SNX29: variants seen among roughly 807,000 people sequenced by gnomAD.
The protein encoded by SNX29 is sorting nexin 29.
In SNX29, 78 loss-of-function variants were observed where a neutral mutation model predicts 102.1. The observed-to-expected ratio is 0.76, with a 90% CI of 0.64 to 0.92. The LOEUF (loss-of-function observed/expected upper bound fraction) is 0.92, where lower values mean the gene tolerates loss of function less well. Among genes scored for constraint, SNX29 ranks in the 40% least tolerant of loss-of-function variants. The pLI, the probability that SNX29 is intolerant of heterozygous loss-of-function variation, is 0.00. For synonymous variants in SNX29, 580 were observed against 414.5 expected (o/e 1.40, Z -4.85); for missense variants, 1,280 against 1,061.7 (o/e 1.21, Z -2.86).
intron 13 of SNX29, among the ~76,000 whole-genome samples, chr16:12,158,415 G>T (rs1225867533): frequency 6.6e-6 from 1 of 152,102 alleles, no homozygotes; most frequent in Non-Finnish European, 1.5e-5. Flanking sequence ...GGCCAGGCTG[G>T]TCTCGAACTC....
At chr16:12,522,601 T>G (rs1358537350) in intron 19 of SNX29, among the ~76,000 whole-genome samples, 3 of 152,118 alleles carry the variant, frequency 2.0e-5, no homozygotes, top group South Asian at 4.1e-4. Context: ...TCATGAGATC[T>G]GGTTGTTTAA....
intron 5 of SNX29, among the ~76,000 whole-genome samples, chr16:12,043,284 A>C (rs889989521): frequency 6.6e-6 from 1 of 152,012 alleles, no homozygotes; most frequent in African/African-American, 2.4e-5. Context: ...TCGGCATGGC[A>C]CTTGCATACA....
Position 12,139,923 on chromosome 16 carries a change from G to T in SNX29, c.1595+10165G>T, listed in dbSNP as rs180837235. Among the ~76,000 whole-genome samples, 10 of 144,020 alleles carry T rather than the reference G, an allele frequency of 6.9e-5. No homozygotes were observed. The South Asian group carries it at 1.4e-3, about 20-fold the overall frequency. The allele number at this position is 144,020 out of a possible 152,430, so 94.5% of individuals were successfully genotyped here. ...CTGAGCCCAGGAGGTCAAGGCTGCAGTGAGCTGAGATTGTACCACTGTACT... is the reference window on the plus strand; with the variant it reads ...CTGAGCCCAGGAGGTCAAGGCTGCATTGAGCTGAGATTGTACCACTGTACT... On this transcript the variant is annotated intron_variant, in intron 13 of 20. Coordinates refer to ENST00000566228, the MANE Select transcript of SNX29 (RefSeq NM_032167.5).
chr16:12,103,233 G>A (rs1041201665), intron 11 of SNX29, among the ~76,000 whole-genome samples: 3 of 152,122 alleles, frequency 2.0e-5, no homozygotes, highest in African/African-American at 7.2e-5. Flanking sequence ...CCAAAAAAGA[G>A]CCCATATAGC....
At chr16:12,532,373 A>G (rs903934803) in intron 20 of SNX29, among the ~76,000 whole-genome samples, 1 of 152,308 alleles carries the variant, frequency 6.6e-6, no homozygotes, top group East Asian at 1.9e-4. Context: ...AGCAGCTCCC[A>G]GCAGCGTTCA....
intron 14 of SNX29, among the ~76,000 whole-genome samples, chr16:12,204,433 T>G (rs551763739): frequency 6.6e-6 from 1 of 152,224 alleles, no homozygotes; most frequent in Non-Finnish European, 1.5e-5. Context: ...CTGTAAAGCT[T>G]TTCCTCCTAC....
At chr16:12,326,101 C>T (rs1433935773) in intron 15 of SNX29, among the ~76,000 whole-genome samples, 1 of 151,902 alleles carries the variant, frequency 6.6e-6, no homozygotes, top group African/African-American at 2.4e-5. Flanking sequence ...TCTTGGCTCA[C>T]TGCAACCTCT....
intron 20 of SNX29, among the ~76,000 whole-genome samples, chr16:12,544,449 C>T (rs1227626268): frequency 1.3e-5 from 2 of 152,264 alleles, no homozygotes; most frequent in East Asian, 3.9e-4. Flanking sequence ...CTTTCTCTAC[C>T]CTATCTCATT....
intron 13 of SNX29, among the ~76,000 whole-genome samples, chr16:12,157,912 AC>A (rs1410528074): frequency 6.6e-6 from 1 of 151,956 alleles, no homozygotes; most frequent in Non-Finnish European, 1.5e-5. Flanking sequence ...CAGTGTCACC[AC>A]CTCTGTGAAG....
At chr16:12,176,075 C>T (rs924035784) in intron 13 of SNX29, among the ~76,000 whole-genome samples, 2 of 151,852 alleles carry the variant, frequency 1.3e-5, no homozygotes, top group African/African-American at 4.9e-5. Flanking sequence ...GAGAGAAGAT[C>T]ATGTGAGGAG....
chr16:12,318,198 G>C (rs1448788324), intron 15 of SNX29, among the ~76,000 whole-genome samples: 2 of 152,194 alleles, frequency 1.3e-5, no homozygotes, highest in African/African-American at 4.8e-5. Flanking sequence ...ATCTTGCTCC[G>C]AGCTCATGCA....
At chr16:12,028,298 C>G (rs1412851603) in intron 4 of SNX29, among the ~76,000 whole-genome samples, 1 of 151,898 alleles carries the variant, frequency 6.6e-6, no homozygotes, top group East Asian at 1.9e-4. Context: ...TAGTCTTTCC[C>G]TCTCCTTCAT....
chr16:12,282,742 C>G (rs1241780575), intron 15 of SNX29, among the ~76,000 whole-genome samples: 2 of 152,104 alleles, frequency 1.3e-5, no homozygotes, highest in African/African-American at 4.8e-5. Context: ...TGCAACCTCC[C>G]CCTCCCAGGT....
Position 12,015,440 on chromosome 16 carries a change from A to G in SNX29, c.123-11880A>G, listed in dbSNP as rs957902496. On this transcript the variant is annotated intron_variant, in intron 3 of 20. Transcript: ENST00000566228. The stretch of plus-strand genomic sequence containing the variant: ...ATTTTAGTAGAGATGTAGTTTCCCT[A>G]TGTTGGCCAGGATGGTCTTGATCTC... Among the ~76,000 whole-genome samples, 9 of 151,196 alleles carry G rather than the reference A, an allele frequency of 6.0e-5. No individual in the cohort carries two copies. The East Asian group carries it at 1.2e-3, about 20-fold the overall frequency.
chr16:12,551,781 C>G (rs1178096693), intron 20 of SNX29, among the ~76,000 whole-genome samples: 1 of 152,210 alleles, frequency 6.6e-6, no homozygotes, highest in Non-Finnish European at 1.5e-5. Flanking sequence ...GGGCCCGCTT[C>G]AGAAGCACAT....
intron 13 of SNX29, among the ~76,000 whole-genome samples, chr16:12,150,726 G>A (rs2055263522): frequency 6.6e-6 from 1 of 152,246 alleles, no homozygotes; most frequent in African/African-American, 2.4e-5. Context: ...AAGTCCGTGA[G>A]GAGGAAGTTG....
At chr16:12,470,160 G>C (rs1024601130) in intron 18 of SNX29, among the ~76,000 whole-genome samples, 2 of 152,194 alleles carry the variant, frequency 1.3e-5, no homozygotes, top group Non-Finnish European at 2.9e-5. Flanking sequence ...TTTCACTCTT[G>C]AATATTACAA....
intron 11 of SNX29, among the ~76,000 whole-genome samples, chr16:12,088,350 G>C (rs950410905): frequency 6.6e-6 from 1 of 152,092 alleles, no homozygotes; most frequent in East Asian, 1.9e-4. Flanking sequence ...TCCCTTGTAA[G>C]CTCTGCAGGG....
intron 19 of SNX29, among the ~76,000 whole-genome samples, chr16:12,524,226 T>C (rs2090209488): frequency 6.6e-6 from 1 of 152,158 alleles, no homozygotes. Flanking sequence ...GGCAGTTGTT[T>C]TGTATTTCGA....
Sources: gnomAD v4.1 joint callset for allele counts (sites outside exome capture counted in the v4.1 genomes callset) on GRCh38, gnomAD v4.1.1 for gene constraint, MANE v1.5 for transcripts, NCBI Gene and HGNC (gene_info 2026-07-23, HGNC 2026-07-21) for gene names.